Variants in UGGT1 observed in about 807,000 individuals in gnomAD.
UGGT1 encodes the protein UDP-glucose glycoprotein glucosyltransferase 1, also known as UDP-glucose:glycoprotein glucosyltransferase 1.
Under a neutral mutation model 203.9 loss-of-function variants are expected in UGGT1, and 107 were observed. The ratio of observed to expected loss-of-function variants is 0.52; its 90% CI spans 0.45 to 0.62. UGGT1 has a LOEUF of 0.62. Ranked by LOEUF, UGGT1 falls within the 20% of genes least tolerant of loss-of-function variation. UGGT1 has a pLI of 0.00. For missense variants in UGGT1, 1,673 were observed against 1,867.2 expected, an observed-to-expected ratio of 0.90 and a Z score of 1.92; for synonymous variants, 628 against 653.5, an observed-to-expected ratio of 0.96 and a Z score of 0.59.
chr2:128,107,842 A>G (rs993512155), intron 3 of UGGT1, 96 bp from the exon 4 acceptor site: 14 of 1,551,376 alleles, frequency 9.0e-6, no homozygotes, highest in Non-Finnish European at 1.2e-5. Context: ...TTGCCTTCAC[A>G]TACCTTTGTA....
intron 18 of UGGT1, among the ~76,000 whole-genome samples, chr2:128,146,762 T>C (rs2105469033): frequency 6.6e-6 from 1 of 152,232 alleles, no homozygotes; most frequent in East Asian, 1.9e-4. Flanking sequence ...CATTTTGTCC[T>C]ACTCCCAGCC....
chr2:128,189,846 C>A lies in UGGT1; in HGVS notation c.*104C>A. On this transcript the variant is annotated 3_prime_UTR_variant, in exon 41 of 41. Coordinates refer to ENST00000259253, the MANE Select transcript of UGGT1 (RefSeq NM_020120.4). ...TACAACTGCTGATAAGCCGGCTGGG[C>A]AGGAGTGCCACACCTTTTGATTCTG... 7.7e-7 allele frequency: 1 copy of A among 1,302,910 alleles called. No homozygotes were observed. The highest frequency in any genetic ancestry group is 1.1e-6 in the Non-Finnish European group (1 of 921,984). 80.7% of individuals were successfully genotyped at this position (1,302,910 alleles called of 1,614,324 possible). A position where few individuals can be genotyped will look rare whatever the true frequency, so the allele number is the denominator to read the frequency against.
At chr2:128,098,241 A>G (rs895728025) in intron 2 of UGGT1, among the ~76,000 whole-genome samples, 7 of 152,190 alleles carry the variant, frequency 4.6e-5, no homozygotes, top group African/African-American at 1.4e-4. Flanking sequence ...GGGCTTAGCA[A>G]CGTGGGGGAA....
intron 2 of UGGT1, among the ~76,000 whole-genome samples, chr2:128,099,795 T>C (rs1687282631): frequency 3.9e-5 from 6 of 152,146 alleles, no homozygotes; most frequent in Admixed American, 3.3e-4. Flanking sequence ...TGATACAGCA[T>C]AGTTGTAAAA....
Position 128,189,802 on chromosome 2 carries a change from G to A in UGGT1, c.*60G>A. ...AAAACAGTTTTTATAATAAATGCTA[G>A]TTTTTTCTGATCTGTCTATACAACT... On this transcript the variant is annotated 3_prime_UTR_variant, in exon 41 of 41. Transcript: ENST00000259253. 6.3e-7 allele frequency: 1 copy of A among 1,591,420 alleles called. No individual in the cohort carries two copies. The highest frequency in any genetic ancestry group is 8.6e-7 in the Non-Finnish European group (1 of 1,163,482).
At chr2:128,185,006 T>C (rs1162003136) in intron 38 of UGGT1, among the ~76,000 whole-genome samples, 2 of 152,042 alleles carry the variant, frequency 1.3e-5, no homozygotes, top group Non-Finnish European at 2.9e-5. Context: ...ATTTGTGTGA[T>C]ACCTGGTATC....
chr2:128,132,713 T>A (rs1688941077), intron 13 of UGGT1, among the ~76,000 whole-genome samples: 1 of 152,184 alleles, frequency 6.6e-6, no homozygotes, highest in Admixed American at 6.5e-5. Flanking sequence ...TTTGTATCTT[T>A]TTTGTTTGTT....
intron 26 of UGGT1, among the ~76,000 whole-genome samples, chr2:128,166,608 AT>A (rs1275249804): frequency 6.6e-6 from 1 of 151,730 alleles, no homozygotes; most frequent in African/African-American, 2.4e-5. Flanking sequence ...GTTCTTTGCC[AT>A]TTTTTTTCCT....
chr2:128,117,607 G>T (rs1455390086), intron 8 of UGGT1, among the ~76,000 whole-genome samples: 1 of 142,260 alleles, frequency 7.0e-6, no homozygotes, highest in African/African-American at 2.6e-5. Flanking sequence ...GCAGTGCCAC[G>T]ATCTTGGCTC....
intron 10 of UGGT1, among the ~76,000 whole-genome samples, chr2:128,122,642 T>A (rs1688435956): frequency 6.6e-6 from 1 of 152,182 alleles, no homozygotes; most frequent in Non-Finnish European, 1.5e-5. Context: ...AAAAGCCACA[T>A]TTTTAGAAAC....
chr2:128,094,205 C>A (rs1224604882), intron 1 of UGGT1, among the ~76,000 whole-genome samples: 1 of 151,954 alleles, frequency 6.6e-6, no homozygotes, highest in East Asian at 1.9e-4. Context: ...CTAGACAGTT[C>A]ATATGATGCG....
At chr2:128,166,371 C>G (rs142076681) in intron 26 of UGGT1, among the ~76,000 whole-genome samples, 1,927 of 152,312 alleles carry the variant, frequency 0.013, 21 homozygotes, top group Non-Finnish European at 0.021. Flanking sequence ...CCTGATGTAA[C>G]ATGTCTGACG....
chr2:128,104,795 C>A (rs1017028962), intron 3 of UGGT1, among the ~76,000 whole-genome samples: 1 of 151,940 alleles, frequency 6.6e-6, no homozygotes, highest in African/African-American at 2.4e-5. Flanking sequence ...TACAGGCATT[C>A]GCCACTACGC....
At chr2:128,097,141 C>G (rs2105331642) in intron 1 of UGGT1, among the ~76,000 whole-genome samples, 1 of 152,308 alleles carries the variant, frequency 6.6e-6, no homozygotes, top group South Asian at 2.1e-4. Context: ...CTTTGGGAGG[C>G]TGAGGCGGGC....
In UGGT1 at chr2:128,149,342, A is replaced by G. The variant is rs566932488; in HGVS notation, c.2016+3375A>G. On this transcript the variant is annotated intron_variant, in intron 18 of 40. Transcript: ENST00000259253. ...TAGGCATGAGCCATCGTGCCTGGCC[A>G]GTATTCCATTATAAAAAATAGGCCG... 1.2e-3 allele frequency among the ~76,000 whole-genome samples: 176 copies of G among 148,256 alleles called. 1 individual carries two copies. The highest frequency in any genetic ancestry group is 0.01 in the Middle Eastern group (3 of 292).
chr2:128,183,972 C>T (rs1691847620), intron 38 of UGGT1, among the ~76,000 whole-genome samples, 183 bp downstream of exon 38: 1 of 149,624 alleles, frequency 6.7e-6, no homozygotes, highest in Non-Finnish European at 1.5e-5. Context: ...TTTTTATCTG[C>T]CCTCAAGACA....
Position 128,120,365 on chromosome 2 carries a change from C to A in UGGT1, c.882C>A (p.His294Gln). The A allele has an allele frequency of 6.2e-7, 1 of 1,613,322 alleles. No homozygotes were observed. Among genetic ancestry groups the A allele is most frequent in the East Asian group, 2.2e-5 (1 of 44,850 alleles). The change falls in exon 9 of 41, where the codon CAC becomes CAA. Residue 294 changes from histidine (H) to glutamine (Q), a missense_variant. By Grantham distance (24) the His-to-Gln change is conservative. Coordinates refer to ENST00000259253, the MANE Select transcript of UGGT1 (RefSeq NM_020120.4). ...TTTATGTTTCTTTTAGAGATCTGCA[C>A]CCCGACCTGGAGGGACAGTTGAAAG... ...GFLFGKLRDLHPDLEGQLKEL... is the reference protein window; with the variant it reads ...GFLFGKLRDLQPDLEGQLKEL...
Position 128,189,729 on chromosome 2 carries a change from G to A in UGGT1, c.4655G>A (p.Arg1552His), listed in dbSNP as rs754000327. Residue 1552 changes from arginine to histidine, a missense_variant, in exon 41 of 41, where the codon CGT (arginine) becomes CAT (histidine). Physicochemically the swap from Arg to His is conservative, Grantham distance 29. Around this residue, in one of 4 missense-constraint regions of UGGT1, gnomAD observed 513 missense variants for 684.1 expected, o/e 0.75. Transcript: ENST00000259253. ...TCCTTTTCCTTAGGTCCTCAGAAAC[G>A]TGAAGAATTATGATCTCTGGAGAAG... ...KEPSREGPQK[R>H]EEL 63 of 1,612,674 alleles carry A rather than the reference G, an allele frequency of 3.9e-5. No individual in the cohort carries two copies. Among genetic ancestry groups the A allele is most frequent in the African/African-American group, 2.1e-4 (16 of 74,916 alleles).
At chr2:128,157,471 C>T (rs576984163) in intron 22 of UGGT1, 125 bp downstream of exon 22, 7 of 668,510 alleles carry the variant, frequency 1.0e-5, no homozygotes, top group East Asian at 5.4e-5. Context: ...CTCGAGGGAA[C>T]GGAGAATTGT....
Sources: gnomAD v4.1 joint callset for allele counts (sites outside exome capture counted in the v4.1 genomes callset) on GRCh38, gnomAD v4.1.1 for gene constraint, gnomAD v4.1.1 regional missense constraint, MANE v1.5 for transcripts, NCBI Gene and HGNC (gene_info 2026-07-23, HGNC 2026-07-21) for gene names.